Variants in DNAAF5 observed in about 807,000 individuals in gnomAD.
DNAAF5 encodes the protein dynein axonemal assembly factor 5, also known as HEAT repeat containing 2.
A neutral mutation model predicts 75.8 loss-of-function variants in DNAAF5; 64 were observed. The ratio of observed to expected loss-of-function variants is 0.84; its 90% CI spans 0.69 to 1.04. The LOEUF (loss-of-function observed/expected upper bound fraction) is 1.04. Ranked by LOEUF, DNAAF5 falls within the 50% of genes least tolerant of loss-of-function variation. The pLI is 0.00. For synonymous variants in DNAAF5, 657 were observed against 557.2 expected, an observed-to-expected ratio of 1.18 and a Z score of -2.52; for missense variants, 1,269 against 1,178.5, an observed-to-expected ratio of 1.08 and a Z score of -1.12.
chr7:754,618 C>G lies in DNAAF5; in HGVS notation c.1054C>G (p.Leu352Val). The change falls in exon 5 of 13, where the codon CTC (leucine) becomes GTC (valine). Residue 352 changes from leucine to valine, a missense_variant. Transcript: ENST00000297440. This position sits in a 1 kb window ranked among gnomAD's most constrained non-coding sequence, Gnocchi z 4.8. ...CCGCCCTGTGCTGGGCTGCCGGGAG[C>G]TCGTCTTCAGGAACCTCTCCAAGAT... ...ERRPVLGCRELVFRNLSKILP... is the reference protein window; with the variant it reads ...ERRPVLGCREVVFRNLSKILP... The G allele has an allele frequency of 1.2e-6, 2 of 1,614,100 alleles. No homozygotes were observed. The highest frequency in any genetic ancestry group is 2.2e-5 in the East Asian group (1 of 44,886).
chr7:763,446 G>C (rs1782726832), intron 7 of DNAAF5, among the ~76,000 whole-genome samples: 1 of 152,200 alleles, frequency 6.6e-6, no homozygotes, highest in Admixed American at 6.5e-5. Context: ...TAAGCCACTT[G>C]CCCGCCCCTC....
rs186360534 is a variant in DNAAF5 at position 782,326 on chromosome 7, G to A, written c.2431+2182G>A. On this transcript the variant is annotated intron_variant, in intron 12 of 12. Coordinates refer to ENST00000297440, the MANE Select transcript of DNAAF5 (RefSeq NM_017802.4). ...CTGGCGTGGCCGCCTCCCGTCACGC[G>A]GCGTCAGAAACTCGGCTCTTCGCGG... is the stretch of plus-strand genomic sequence containing the variant. Among the ~76,000 whole-genome samples the A allele has an allele frequency of 7.7e-3, 1,095 of 142,218 alleles. 21 individuals carry two copies. Among genetic ancestry groups the A allele is most frequent in the African/African-American group, 0.028 (1,027 of 36,646 alleles). The allele number at this position is 142,218 out of a possible 152,430, so 93.3% of individuals were successfully genotyped here.
chr7:779,310 G>A (rs938365806), intron 11 of DNAAF5, among the ~76,000 whole-genome samples: 6 of 152,142 alleles, frequency 3.9e-5, no homozygotes, highest in East Asian at 1.9e-4. Context: ...CCCTCCCAGC[G>A]TCGGGAAGAT....
chr7:774,000 C>G (rs375610056), intron 9 of DNAAF5, 48 bp from the exon 10 acceptor site: 112 of 1,610,858 alleles, frequency 7.0e-5, no homozygotes, highest in Non-Finnish European at 9.1e-5. Context: ...ACGTTTCTTC[C>G]GAGCACCTGT....
At position 756,690 on chromosome 7, in the gene DNAAF5, G is replaced by A. The variant is rs958326150; in HGVS notation, c.1258-92G>A. The A allele has an allele frequency of 2.3e-5, 26 of 1,133,610 alleles. No homozygotes were observed. In the East Asian group the frequency reaches 3.1e-4, roughly 13 times the overall value. 70.2% of individuals were successfully genotyped at this position (1,133,610 alleles called of 1,614,324 possible). A position where few individuals can be genotyped will look rare whatever the true frequency, so the allele number is the denominator to read the frequency against. ...TAACACGGGGCTCTGTCTGGTGCACGGCTGTGTCTGGGAGGCCACGGCGCC... is the reference window on the plus strand; with the variant it reads ...TAACACGGGGCTCTGTCTGGTGCACAGCTGTGTCTGGGAGGCCACGGCGCC... On this transcript the variant is annotated intron_variant, in intron 5 of 12. Coordinates refer to ENST00000297440, the MANE Select transcript of DNAAF5 (RefSeq NM_017802.4).
At chr7:733,923 A>G (rs1781658119) in intron 2 of DNAAF5, among the ~76,000 whole-genome samples, 1 of 152,228 alleles carries the variant, frequency 6.6e-6, no homozygotes, top group African/African-American at 2.4e-5. Context: ...AACTGTTGGC[A>G]TGTAGAAATG....
At chr7:734,910 A>T (rs906389677) in intron 2 of DNAAF5, among the ~76,000 whole-genome samples, 11 of 149,702 alleles carry the variant, frequency 7.3e-5, no homozygotes, top group Admixed American at 6.6e-4. Flanking sequence ...TGTTGCTCAC[A>T]GTGTCGTTGC....
chr7:765,513 C>A lies in DNAAF5; in HGVS notation c.1783+1539C>A, dbSNP rs1335714858. Reference sequence around the variant, plus strand: ...GTGAAGCCAGGACTTGCATTTACTGCAGCTCTGGTGGCTTCTCCACCATCT... The same window carrying A: ...GTGAAGCCAGGACTTGCATTTACTGAAGCTCTGGTGGCTTCTCCACCATCT... On this transcript the variant is annotated intron_variant, in intron 8 of 12. Transcript: ENST00000297440. 6.6e-5 allele frequency among the ~76,000 whole-genome samples: 10 copies of A among 152,184 alleles called. No homozygotes were observed. The East Asian group carries it at 1.9e-3, about 29-fold the overall frequency.
At chr7:746,925 C>T (rs1050385699) in intron 4 of DNAAF5, among the ~76,000 whole-genome samples, 18 of 152,224 alleles carry the variant, frequency 1.2e-4, no homozygotes, top group Admixed American at 3.9e-4. Context: ...CTGGCGTCTG[C>T]TCTTTCCTCT....
chr7:754,141 G>T lies in DNAAF5; in HGVS notation c.1025-448G>T, dbSNP rs1782408915. Among the ~76,000 whole-genome samples the T allele has an allele frequency of 6.6e-6, 1 of 152,380 alleles. No individual in the cohort carries two copies. Among genetic ancestry groups the T allele is most frequent in the Non-Finnish European group, 1.5e-5 (1 of 68,046 alleles). ...ATACACGTCAGCACGTGTGGCAAGTGTGTTGTTTGCATCTCTGTGTGGCTC... is the reference window on the plus strand; with the variant it reads ...ATACACGTCAGCACGTGTGGCAAGTTTGTTGTTTGCATCTCTGTGTGGCTC... On this transcript the variant is annotated intron_variant, in intron 4 of 12. Transcript: ENST00000297440. The surrounding 1 kb of genome is among the most constrained non-coding windows in gnomAD (Gnocchi z 4.8).
In DNAAF5 at chr7:732,073, A is replaced by G. The variant is rs544404155; in HGVS notation, c.780+2226A>G. Among the ~76,000 whole-genome samples the G allele has an allele frequency of 9.9e-5, 15 of 152,258 alleles. No individual in the cohort carries two copies. The South Asian group carries it at 1.2e-3, about 13-fold the overall frequency. On this transcript the variant is annotated intron_variant, in intron 2 of 12. Transcript: ENST00000297440. ...ACTGGAAGGGCCTGGAAATAACTTC[A>G]TCTCCTCCTTACAAGGCTCAGAGGC...
chr7:760,921 A>G (rs894467175), intron 6 of DNAAF5, among the ~76,000 whole-genome samples: 2 of 152,262 alleles, frequency 1.3e-5, no homozygotes, highest in African/African-American at 4.8e-5. Context: ...AAAAATGCAC[A>G]GAAGAGGGGC....
intron 9 of DNAAF5, chr7:771,861 C>T (rs1003268689): frequency 6.6e-6 from 1 of 152,212 alleles, no homozygotes; most frequent in African/African-American, 2.4e-5. Context: ...GTGCGCCTAA[C>T]AACGTCTTGT....
chr7:779,898 T>C, intron 11 of DNAAF5, 55 bp from the exon 12 acceptor site: 1 of 1,501,268 alleles, frequency 6.7e-7, no homozygotes, highest in Non-Finnish European at 9.1e-7. Context: ...TGTGGACGTT[T>C]AGACGTGAAA....
intron 6 of DNAAF5, among the ~76,000 whole-genome samples, 155 bp downstream of exon 6, chr7:757,149 C>T (rs531007742): frequency 3.4e-4 from 52 of 152,384 alleles, no homozygotes; most frequent in African/African-American, 1.2e-3. Flanking sequence ...CCCGTGCCGC[C>T]AGGCCGGGCC....
chr7:756,103 C>G (rs1782472791), intron 5 of DNAAF5, among the ~76,000 whole-genome samples: 1 of 94,694 alleles, frequency 1.1e-5, no homozygotes, highest in Admixed American at 1.1e-4. Context: ...TGTGTGTGAT[C>G]CACTGTGGAA....
At chr7:733,651 C>T (rs142612058) in intron 2 of DNAAF5, among the ~76,000 whole-genome samples, 16 of 152,176 alleles carry the variant, frequency 1.1e-4, no homozygotes, top group East Asian at 5.8e-4. Context: ...TGCCTGCCAC[C>T]GCACCTGGCT....
intron 8 of DNAAF5, among the ~76,000 whole-genome samples, chr7:767,130 T>C (rs767461283): frequency 1.3e-5 from 2 of 150,880 alleles, no homozygotes; most frequent in Non-Finnish European, 2.9e-5. Context: ...TCCCAGCTAC[T>C]CGGGAGGCTG....
At chr7:768,868 T>G in intron 8 of DNAAF5, 1 of 449,780 alleles carries the variant, frequency 2.2e-6, no homozygotes, top group Non-Finnish European at 4.0e-6. Flanking sequence ...GTTTAAGATG[T>G]AGAGAGGGTG....
Sources: allele counts gnomAD v4.1 joint callset (sites outside exome capture counted in the v4.1 genomes callset), GRCh38; gene constraint gnomAD v4.1.1; non-coding constraint Gnocchi (gnomAD v3.1); transcripts MANE v1.5; gene names NCBI Gene and HGNC (gene_info 2026-07-23, HGNC 2026-07-21).